Variants in TRIM25 observed in about 807,000 individuals in gnomAD.
The protein encoded by TRIM25 is E3 ubiquitin/ISG15 ligase TRIM25.
Under a neutral mutation model 65.2 loss-of-function variants are expected in TRIM25, and 45 were observed. The ratio of observed to expected loss-of-function variants is 0.69; its 90% confidence interval spans 0.54 to 0.89. The LOEUF (loss-of-function observed/expected upper bound fraction) is 0.89. TRIM25 is among the 40% of genes least tolerant of loss of function. TRIM25 has a pLI of 0.00. For synonymous variants in TRIM25, 321 were observed against 340.4 expected (o/e 0.94, Z 0.63); for missense variants, 714 against 803.7 (o/e 0.89, Z 1.35).
intron 8 of TRIM25, among the ~76,000 whole-genome samples, chr17:56,893,469 G>A (rs1039706403): frequency 6.6e-6 from 1 of 152,338 alleles, no homozygotes; most frequent in African/African-American, 2.4e-5. Context: ...GGGGGGCAGG[G>A]ACAGCGGAGG....
At chr17:56,912,768 G>A (rs1909654668) in intron 1 of TRIM25, 1 of 152,196 alleles carries the variant, frequency 6.6e-6, no homozygotes, top group South Asian at 2.1e-4. Flanking sequence ...CCTCCTGGGT[G>A]CCACCAGGAC....
Position 56,904,372 on chromosome 17 carries a change from G to A in TRIM25, c.810C>T (p.Val270=). ...GATAAATGGTGTCAAACTTGCTGTT[G>A]ACCCTCTTCTCCTCTTCCTTTATCT... ...TRKIKEEEKR[V]NSKFDTIYQI... is the part of the protein sequence containing the mutation. The change falls in exon 3 of 9, where the codon GTC becomes GTT. Residue 270 remains valine, a synonymous_variant. Coordinates refer to ENST00000316881, the MANE Select transcript of TRIM25 (RefSeq NM_005082.5). 6.2e-7 allele frequency: 1 copy of A among 1,614,054 alleles called. No individual in the cohort carries two copies. Among genetic ancestry groups the A allele is most frequent in the Non-Finnish European group, 8.5e-7 (1 of 1,180,016 alleles).
chr17:56,892,955 A>G (rs978581598), intron 8 of TRIM25, among the ~76,000 whole-genome samples: 5 of 152,220 alleles, frequency 3.3e-5, no homozygotes, highest in Non-Finnish European at 5.9e-5. Context: ...ACAGTTGGGG[A>G]ACATTTCACT....
chr17:56,891,217 G>A lies in TRIM25; in HGVS notation c.*483C>T. ...GATCAAGCCCCAACATGCGGGTAAT[G>A]GAGTTTATGTAACATTGAAACTCAA... On this transcript the variant is annotated 3_prime_UTR_variant, in exon 9 of 9. Transcript: ENST00000316881. 1 of 340,438 alleles carries A rather than the reference G, an allele frequency of 2.9e-6. No individual in the cohort carries two copies. Among genetic ancestry groups the A allele is most frequent in the Non-Finnish European group, 5.8e-6 (1 of 172,710 alleles). The allele number at this position is 340,438 out of a possible 1,614,324, so 21.1% of individuals were successfully genotyped here.
In TRIM25 at chr17:56,908,504, T is replaced by C. The variant is rs966861237; in HGVS notation, c.657A>G (p.Ala219=). The change falls in exon 2 of 9, where the codon GCA becomes GCG. Residue 219 remains alanine, a synonymous_variant. Transcript: ENST00000316881. ...GCTGCCTGTTTCTCACATCATCCAG[T>C]GCTCTCGACGCCCCGTTGATCTGAC... ...MYSQINGASR[A]LDDVRNRQQD... 1.2e-6 allele frequency: 2 copies of C among 1,614,078 alleles called. No homozygotes were observed. Among genetic ancestry groups the C allele is most frequent in the Admixed American group, 3.3e-5 (2 of 60,024 alleles).
rs1276936078 is a variant in TRIM25 at position 56,913,828 on chromosome 17, C to A, written c.161G>T (p.Arg54Leu). The A allele has an allele frequency of 1.9e-6, 3 of 1,561,644 alleles. No individual in the cohort carries two copies. The highest frequency in any genetic ancestry group is 1.7e-6 in the Non-Finnish European group (2 of 1,153,364). Residue 54 changes from arginine to leucine, a missense_variant, in exon 1 of 9, where the codon CGC becomes CTC. This residue lies in a region of TRIM25 where 291 missense variants were observed against 281.8 expected (regional missense o/e 1.03). Transcript: ENST00000316881. The surrounding 1 kb of genome is among the most constrained non-coding windows in gnomAD (Gnocchi z 6.1). ...QGSPYLCPQC[R>L]AVYQARPQLH... is the part of the protein sequence containing the mutation. ...CTGCGGTCGCGCCTGGTAGACGGCG[C>A]GGCACTGCGGGCACAGGTATGGCGA...
chr17:56,889,566 C>A lies in TRIM25; in HGVS notation c.*2134G>T, dbSNP rs1909125094. The A allele has an allele frequency of 5.1e-6, 2 of 393,430 alleles. No individual in the cohort carries two copies. The highest frequency in any genetic ancestry group is 4.1e-5 in the African/African-American group (2 of 48,502). 24.4% of individuals were successfully genotyped at this position (393,430 alleles called of 1,614,324 possible). A position where few individuals can be genotyped will look rare whatever the true frequency, so the allele number is the denominator to read the frequency against. ...TCCTCAATTTACAACTCCAAAGCAC[C>A]TTGCACAGAGCTTGGCTTTGGTTAC... On this transcript the variant is annotated 3_prime_UTR_variant, in exon 9 of 9. Transcript: ENST00000316881.
intron 8 of TRIM25, among the ~76,000 whole-genome samples, chr17:56,893,352 C>T (rs1292429424): frequency 1.3e-5 from 2 of 152,130 alleles, no homozygotes; most frequent in Non-Finnish European, 2.9e-5. Flanking sequence ...CCTGTTTATG[C>T]GGCTGCCACA....
Position 56,904,516 on chromosome 17 carries a change from C to T in TRIM25, c.694-28G>A, listed in dbSNP as rs757948880. The T allele has an allele frequency of 2.2e-5, 35 of 1,607,100 alleles. No homozygotes were observed. The South Asian group carries it at 2.2e-4, about 10-fold the overall frequency. Reference sequence around the variant, plus strand: ...GAGAGGGCCAAGGTAAGAGGATGCCCGTCAAAGGGGCAAAAGTGCTAAGGC... The same window carrying T: ...GAGAGGGCCAAGGTAAGAGGATGCCTGTCAAAGGGGCAAAAGTGCTAAGGC... On this transcript the variant is annotated intron_variant, in intron 2 of 8. Transcript: ENST00000316881.
In TRIM25 at chr17:56,889,536, T is replaced by C. The variant is rs2144343558; in HGVS notation, c.*2164A>G. On this transcript the variant is annotated 3_prime_UTR_variant, in exon 9 of 9. Transcript: ENST00000316881. ...ACAGAATGGTTCAAGACAGCAAGGA[T>C]GCACTCCTCAATTTACAACTCCAAA... 4 of 386,716 alleles carry C rather than the reference T, an allele frequency of 1.0e-5. No individual in the cohort carries two copies. In the East Asian group the frequency reaches 1.5e-4, roughly 14 times the overall value. 24.0% of individuals were successfully genotyped at this position (386,716 alleles called of 1,614,324 possible). A position where few individuals can be genotyped will look rare whatever the true frequency, so the allele number is the denominator to read the frequency against.
Position 56,913,208 on chromosome 17 carries a change from G to A in TRIM25, c.597+184C>T, listed in dbSNP as rs1909663040. 2.2e-6 allele frequency: 1 copy of A among 463,370 alleles called. No homozygotes were observed. The highest frequency in any genetic ancestry group is 3.5e-5 in the East Asian group (1 of 28,948). The allele number at this position is 463,370 out of a possible 1,614,324, so 28.7% of individuals were successfully genotyped here. On this transcript the variant is annotated intron_variant, in intron 1 of 8. Coordinates refer to ENST00000316881, the MANE Select transcript of TRIM25 (RefSeq NM_005082.5). The surrounding 1 kb of genome is among the most constrained non-coding windows in gnomAD (Gnocchi z 6.1). ...GGCAAGCAACCTAACCTGTCTTCAT[G>A]GATGATGGGAAGGGACTATATAATC...
rs11540270 is a variant in TRIM25, at chr17:56,889,444, A to G, written c.*2256T>C. 23,760 of 272,360 alleles carry G rather than the reference A, an allele frequency of 0.087. 1,347 individuals are homozygous for G. The highest frequency in any genetic ancestry group is 0.18 in the African/African-American group (8,322 of 45,960). 16.9% of individuals were successfully genotyped at this position (272,360 alleles called of 1,614,324 possible). On this transcript the variant is annotated 3_prime_UTR_variant, in exon 9 of 9. Coordinates refer to ENST00000316881, the MANE Select transcript of TRIM25 (RefSeq NM_005082.5). ...TCAGATGGATACAAAGGTTCCTCCA[A>G]CTCTAGGACTCCAGGGTTGTGTGGC...
intron 2 of TRIM25, among the ~76,000 whole-genome samples, chr17:56,906,477 T>C (rs1416083847): frequency 6.6e-6 from 1 of 151,458 alleles, no homozygotes; most frequent in African/African-American, 2.4e-5. Context: ...AAAAGAGGAA[T>C]TCAAGTATTT....
chr17:56,897,991 C>G (rs533831334), intron 5 of TRIM25, among the ~76,000 whole-genome samples: 7 of 152,332 alleles, frequency 4.6e-5, no homozygotes, highest in African/African-American at 1.7e-4. Flanking sequence ...TAAGCACAAG[C>G]AACAACAACA....
At chr17:56,899,226 A>T in intron 4 of TRIM25, 46 bp from the exon 5 acceptor site, 4 of 1,608,454 alleles carry the variant, frequency 2.5e-6, no homozygotes, top group Non-Finnish European at 3.4e-6. Flanking sequence ...CCTCTCACTG[A>T]CCCTAGCAGC....
chr17:56,899,255 G>A, intron 4 of TRIM25, 75 bp from the exon 5 acceptor site: 2 of 1,514,274 alleles, frequency 1.3e-6, no homozygotes, highest in African/African-American at 1.4e-5. Flanking sequence ...CCATGGGTCG[G>A]TGGGCAGGCA....
rs990498239 is a variant in TRIM25 at position 56,890,166 on chromosome 17, C to T, written c.*1534G>A. On this transcript the variant is annotated 3_prime_UTR_variant, in exon 9 of 9. Coordinates refer to ENST00000316881, the MANE Select transcript of TRIM25 (RefSeq NM_005082.5). ...TCTTTTCATATTATAGGAAGCCTGA[C>T]AGGAGCTCTCCTCTAAGCAAAGCCC... 2.3e-5 allele frequency: 7 copies of T among 298,236 alleles called. No individual in the cohort carries two copies. The highest frequency in any genetic ancestry group is 9.1e-5 in the Admixed American group (2 of 22,020). 18.5% of individuals were successfully genotyped at this position (298,236 alleles called of 1,614,324 possible). A position where few individuals can be genotyped will look rare whatever the true frequency, so the allele number is the denominator to read the frequency against.
chr17:56,909,222 G>C (rs1006192135), intron 1 of TRIM25, among the ~76,000 whole-genome samples: 3 of 151,954 alleles, frequency 2.0e-5, no homozygotes, highest in African/African-American at 7.3e-5. Flanking sequence ...TCCAGGAGAA[G>C]GGGGAAGGGG....
At chr17:56,899,077 C>G in intron 5 of TRIM25, 38 bp downstream of exon 5, 1 of 1,605,584 alleles carries the variant, frequency 6.2e-7, no homozygotes, top group Non-Finnish European at 8.5e-7. Flanking sequence ...AGGCCACAGC[C>G]ATGCTGTTGC....
Sources: gnomAD v4.1 joint callset for allele counts (sites outside exome capture counted in the v4.1 genomes callset) on GRCh38, gnomAD v4.1.1 for gene constraint, gnomAD v4.1.1 regional missense constraint, Gnocchi (gnomAD v3.1) non-coding constraint, MANE v1.5 for transcripts, NCBI Gene and HGNC (gene_info 2026-07-23, HGNC 2026-07-21) for gene names.